The following NHSL1 variants were observed in gnomAD, a reference collection of about 807,000 sequenced individuals.
NHSL1 encodes the protein NHS-like protein 1.
NHSL1 carries 48 observed loss-of-function variants against 95.0 expected under a neutral mutation model. The ratio of observed to expected loss-of-function variants is 0.51; its 90% CI spans 0.40 to 0.64. The LOEUF is 0.64. Ranked by LOEUF, NHSL1 falls within the 30% of genes least tolerant of loss-of-function variation. The pLI is 0.00. For missense variants in NHSL1, 1,971 were observed against 2,077.7 expected (o/e 0.95, Z 1.00); for synonymous variants, 783 against 833.9 (o/e 0.94, Z 1.05).
At chr6:138,553,928 A>G (rs1783100896) in intron 1 of NHSL1, among the ~76,000 whole-genome samples, 1 of 152,262 alleles carries the variant, frequency 6.6e-6, no homozygotes, top group South Asian at 2.1e-4. Flanking sequence ...CCTGAATTAA[A>G]TATTTGAAGG....
intron 1 of NHSL1, among the ~76,000 whole-genome samples, chr6:138,516,849 G>T (rs1781481951): frequency 6.6e-6 from 1 of 152,002 alleles, no homozygotes; most frequent in Admixed American, 6.6e-5. Flanking sequence ...TGCCCAGGGT[G>T]GTCTCAAACT....
In NHSL1 at chr6:138,447,024, T is replaced by C; in HGVS notation, c.509A>G (p.Asp170Gly). The C allele has an allele frequency of 1.3e-6, 2 of 1,551,706 alleles. No homozygotes were observed. The highest frequency in any genetic ancestry group is 1.7e-6 in the Non-Finnish European group (2 of 1,146,974). The stretch of plus-strand genomic sequence containing the variant: ...ACCAGTTATGTTAATAGGCACCACG[T>C]CAGCCTGGACTGTTTGGGCTTGCTG... The part of the protein sequence containing the change: ...MRQQAQTVQA[D>G]VVPINITGEN... The change falls in exon 4 of 8, where the codon GAC becomes GGC. Residue 170 changes from aspartate (D) to glycine (G), a missense_variant. Transcript: ENST00000343505.
intron 1 of NHSL1, among the ~76,000 whole-genome samples, chr6:138,655,215 A>T (rs1725186872): frequency 1.3e-5 from 2 of 152,224 alleles, no homozygotes; most frequent in Admixed American, 6.5e-5. Context: ...ACACTAATTG[A>T]GTTTCATAAA....
At chr6:138,467,087 T>A (rs755917085) in intron 3 of NHSL1, among the ~76,000 whole-genome samples, 2 of 152,160 alleles carry the variant, frequency 1.3e-5, no homozygotes, top group South Asian at 4.1e-4. Context: ...TTGATAATGA[T>A]AACAAGTGAC....
chr6:138,685,869 GC>G (rs1785578922), intron 1 of NHSL1, among the ~76,000 whole-genome samples: 1 of 151,884 alleles, frequency 6.6e-6, no homozygotes, highest in Non-Finnish European at 1.5e-5. Flanking sequence ...CAGCTCCATT[GC>G]TTACCAGCTA....
intron 3 of NHSL1, among the ~76,000 whole-genome samples, chr6:138,459,351 C>T (rs1042244278): frequency 6.6e-6 from 1 of 152,110 alleles, no homozygotes; most frequent in Admixed American, 6.5e-5. Context: ...TGTATCTGTA[C>T]TTTGCAATAG....
At position 138,423,444 on chromosome 6, in the gene NHSL1, C is replaced by T. The variant is rs1308880573; in HGVS notation, c.*637G>A. The T allele has an allele frequency of 2.0e-5, 3 of 152,218 alleles. No homozygotes were observed. Among genetic ancestry groups the T allele is most frequent in the African/African-American group, 7.2e-5 (3 of 41,438 alleles). The allele number at this position is 152,218 out of a possible 1,614,324, so 9.4% of individuals were successfully genotyped here. A position where few individuals can be genotyped will look rare whatever the true frequency, so the allele number is the denominator to read the frequency against. On this transcript the variant is annotated 3_prime_UTR_variant, in exon 8 of 8. Coordinates refer to ENST00000343505, the MANE Select transcript of NHSL1 (RefSeq NM_001144060.2). ...CATTTTTACAAAAAAGAAGCAAAGT[C>T]TACCTCCCCCAGAAAAAAGTACCTG...
chr6:138,681,691 A>G (rs1453422783), intron 1 of NHSL1, among the ~76,000 whole-genome samples: 3 of 152,142 alleles, frequency 2.0e-5, no homozygotes, highest in African/African-American at 7.2e-5. Flanking sequence ...TATGCATAAC[A>G]TACCCTCACT....
At chr6:138,500,230 A>G (rs1363637210), upstream of NHSL1, among the ~76,000 whole-genome samples, 1 of 152,194 alleles carries the variant, frequency 6.6e-6, no homozygotes, top group Non-Finnish European at 1.5e-5. Flanking sequence ...CCTTCCCTCA[A>G]TGTTGTCTCA....
upstream of NHSL1, among the ~76,000 whole-genome samples, chr6:138,547,608 C>A (rs1782851453): frequency 6.6e-6 from 1 of 152,218 alleles, no homozygotes; most frequent in African/African-American, 2.4e-5. Flanking sequence ...TGGTCTCGAT[C>A]TCCTGACCTT....
intron 1 of NHSL1, among the ~76,000 whole-genome samples, chr6:138,562,771 G>C (rs1022966082): frequency 6.6e-6 from 1 of 151,770 alleles, no homozygotes; most frequent in African/African-American, 2.4e-5. Flanking sequence ...TCTCGGTTAC[G>C]ACAGCCCCTA....
At chr6:138,535,169 C>G (rs1782285502) in intron 1 of NHSL1, among the ~76,000 whole-genome samples, 1 of 151,910 alleles carries the variant, frequency 6.6e-6, no homozygotes, top group Non-Finnish European at 1.5e-5. Context: ...TCAGGCCAAG[C>G]AGGTAGCAGT....
At chr6:138,573,234 A>C (rs1173470001), upstream of NHSL1, among the ~76,000 whole-genome samples, 1 of 152,192 alleles carries the variant, frequency 6.6e-6, no homozygotes, top group African/African-American at 2.4e-5. Flanking sequence ...CTTGCAATGC[A>C]TTTGGGTGTA....
chr6:138,603,685 G>A (rs891225480), intron 1 of NHSL1, among the ~76,000 whole-genome samples: 5 of 152,202 alleles, frequency 3.3e-5, no homozygotes, highest in South Asian at 4.1e-4. Flanking sequence ...TCCCCTTCTC[G>A]TACTTTAAGT....
chr6:138,527,870 T>C (rs968862170), intron 1 of NHSL1, among the ~76,000 whole-genome samples: 1 of 152,236 alleles, frequency 6.6e-6, no homozygotes, highest in Non-Finnish European at 1.5e-5. Context: ...GTAGTTGAGA[T>C]GAAAGAGCTG....
intron 2 of NHSL1, among the ~76,000 whole-genome samples, chr6:138,488,095 T>C (rs1002918633): frequency 6.6e-6 from 1 of 152,138 alleles, no homozygotes; most frequent in Non-Finnish European, 1.5e-5. Flanking sequence ...CTGGCCAACA[T>C]GGCAAAATCC....
At chr6:138,625,619 CTTGT>C (rs1356937212) in intron 1 of NHSL1, among the ~76,000 whole-genome samples, 2 of 144,048 alleles carry the variant, frequency 1.4e-5, no homozygotes, top group Non-Finnish European at 1.5e-5. Flanking sequence ...CTCTAAAGTA[CTTGT>C]TTTTGTGCTT....
At chr6:138,663,069 A>AAAAAAAG (rs1554259081) in intron 1 of NHSL1, among the ~76,000 whole-genome samples, 1 of 151,848 alleles carries the variant, frequency 6.6e-6, no homozygotes, top group Admixed American at 6.6e-5. Flanking sequence ...CGGCAAAAAA[A>AAAAAAAG]AAAAGAAAAA....
intron 1 of NHSL1, among the ~76,000 whole-genome samples, chr6:138,622,356 T>G (rs1369373435): frequency 2.0e-5 from 3 of 151,248 alleles, no homozygotes; most frequent in Non-Finnish European, 4.4e-5. Context: ...CAAAAAAAAA[T>G]AGCCGGGCGT....
Sources: gnomAD v4.1 joint callset for allele counts (sites outside exome capture counted in the v4.1 genomes callset) on GRCh38, gnomAD v4.1.1 for gene constraint, MANE v1.5 for transcripts, NCBI Gene and HGNC (gene_info 2026-07-23, HGNC 2026-07-21) for gene names.